VKORC1L1: variants seen among roughly 807,000 people sequenced by gnomAD.
The protein encoded by VKORC1L1 is vitamin K epoxide reductase complex subunit 1-like protein 1.
VKORC1L1 carries 2 observed loss-of-function variants against 18.9 expected under a neutral mutation model. The ratio of observed to expected loss-of-function variants is 0.11; its 90% CI spans 0.04 to 0.33. The LOEUF (loss-of-function observed/expected upper bound fraction) is 0.33. VKORC1L1 is among the 10% of genes least tolerant of loss of function. The pLI, the probability that VKORC1L1 is intolerant of heterozygous loss-of-function variation, is 1.00. For synonymous variants in VKORC1L1, 96 were observed against 100.0 expected (o/e 0.96, Z 0.24); for missense variants, 123 against 224.1 (o/e 0.55, Z 2.88).
chr7:65,892,414 C>T (rs1789124283), intron 1 of VKORC1L1, among the ~76,000 whole-genome samples: 1 of 152,132 alleles, frequency 6.6e-6, no homozygotes. Flanking sequence ...CAAGGGTTCC[C>T]CTTTTTCCAC....
chr7:65,924,100 C>G (rs1462213719), intron 1 of VKORC1L1, among the ~76,000 whole-genome samples: 1 of 152,160 alleles, frequency 6.6e-6, no homozygotes, highest in African/African-American at 2.4e-5. Context: ...GACTTAAAGC[C>G]TGTAGCAGAG....
intron 1 of VKORC1L1, among the ~76,000 whole-genome samples, chr7:65,944,535 G>A (rs1420902419): frequency 6.6e-6 from 1 of 151,788 alleles, no homozygotes; most frequent in Non-Finnish European, 1.5e-5. Flanking sequence ...CTTTACCATA[G>A]CAAAATAATA....
intron 1 of VKORC1L1, among the ~76,000 whole-genome samples, chr7:65,874,008 C>G (rs1463769179): frequency 2.0e-5 from 3 of 152,144 alleles, no homozygotes; most frequent in Non-Finnish European, 4.4e-5. Flanking sequence ...CTTGTCCCCC[C>G]GATCGCTGCA....
At chr7:65,889,471 C>A (rs572548872) in intron 1 of VKORC1L1, among the ~76,000 whole-genome samples, 1 of 152,244 alleles carries the variant, frequency 6.6e-6, no homozygotes, top group Non-Finnish European at 1.5e-5. Flanking sequence ...TCCCCTCCCC[C>A]ACCAAATTCA....
intron 1 of VKORC1L1, 57 bp from the exon 2 acceptor site, chr7:65,948,613 AC>A (rs1454190420): frequency 5.5e-5 from 34 of 613,558 alleles, no homozygotes; most frequent in Non-Finnish European, 8.3e-5. Context: ...AAATAATGAT[AC>A]ATTTTTTAAA....
chr7:65,886,394 T>C (rs1477599169), intron 1 of VKORC1L1, among the ~76,000 whole-genome samples: 1 of 152,196 alleles, frequency 6.6e-6, no homozygotes, highest in African/African-American at 2.4e-5. Flanking sequence ...TTTTGTTTTA[T>C]TTGAAAAATG....
chr7:65,906,979 G>A (rs144356002), intron 1 of VKORC1L1, among the ~76,000 whole-genome samples: 96 of 152,212 alleles, frequency 6.3e-4, no homozygotes, highest in African/African-American at 2.2e-3. Flanking sequence ...CCTATACAAG[G>A]GTGGAAAGTG....
At chr7:65,947,379 T>C (rs1206430166) in intron 1 of VKORC1L1, among the ~76,000 whole-genome samples, 4 of 151,948 alleles carry the variant, frequency 2.6e-5, no homozygotes, top group African/African-American at 9.6e-5. Flanking sequence ...AGATTTTGTT[T>C]AGACTGATTC....
intron 1 of VKORC1L1, among the ~76,000 whole-genome samples, chr7:65,943,797 A>AAAAT (rs950281322): frequency 1.3e-5 from 2 of 152,168 alleles, no homozygotes; most frequent in Non-Finnish European, 2.9e-5. Context: ...CTCTGTCTGA[A>AAAAT]AAATAAATAA....
At chr7:65,872,990 TCCCCACCCCTGCCCCAC>T (rs1195318544), upstream of VKORC1L1, among the ~76,000 whole-genome samples, 1 of 12,512 alleles carries the variant, frequency 8.0e-5, no homozygotes, top group Non-Finnish European at 2.0e-4. Flanking sequence ...GCCCCGCCCA[TCCCCACCCCTGCCCCAC>T]CCCTTTCTCC....
chr7:65,947,178 A>C (rs1562657022), intron 1 of VKORC1L1, among the ~76,000 whole-genome samples: 1 of 152,084 alleles, frequency 6.6e-6, no homozygotes, highest in Non-Finnish European at 1.5e-5. Context: ...GGATTGCATA[A>C]TTCTACAATA....
intron 1 of VKORC1L1, among the ~76,000 whole-genome samples, chr7:65,886,759 A>T (rs1302431917): frequency 1.3e-5 from 2 of 150,302 alleles, no homozygotes; most frequent in African/African-American, 2.4e-5. Flanking sequence ...GGATGGTCTC[A>T]ATCTCCTGAC....
At chr7:65,929,616 A>T (rs1789822923) in intron 1 of VKORC1L1, among the ~76,000 whole-genome samples, 1 of 147,698 alleles carries the variant, frequency 6.8e-6, no homozygotes, top group Non-Finnish European at 1.5e-5. Flanking sequence ...AACATTTGTC[A>T]CTATCCACAA....
chr7:65,938,996 G>A (rs1467821485), intron 1 of VKORC1L1, among the ~76,000 whole-genome samples: 1 of 152,222 alleles, frequency 6.6e-6, no homozygotes, highest in Non-Finnish European at 1.5e-5. Context: ...TCAGAGAGCT[G>A]TCTGAAGAGA....
At chr7:65,886,016 G>A (rs1241336393) in intron 1 of VKORC1L1, among the ~76,000 whole-genome samples, 1 of 152,172 alleles carries the variant, frequency 6.6e-6, no homozygotes, top group South Asian at 2.1e-4. Flanking sequence ...GTTTATTCTG[G>A]AGTTGCCTCT....
At chr7:65,870,267 A>G (rs1246557710), upstream of VKORC1L1, among the ~76,000 whole-genome samples, 295 of 35,446 alleles carry the variant, frequency 8.3e-3, 1 homozygote, top group African/African-American at 0.069. Context: ...TAAGTACAGA[A>G]AAAAAAAAAA....
intron 1 of VKORC1L1, among the ~76,000 whole-genome samples, chr7:65,907,631 A>G (rs1194506897): frequency 6.6e-6 from 1 of 152,194 alleles, no homozygotes; most frequent in Non-Finnish European, 1.5e-5. Flanking sequence ...GTCAATAAAC[A>G]CCACTGTGAA....
intron 1 of VKORC1L1, among the ~76,000 whole-genome samples, chr7:65,939,904 AAAG>A (rs1790006478): frequency 6.6e-6 from 1 of 152,242 alleles, no homozygotes; most frequent in Non-Finnish European, 1.5e-5. Context: ...ACAGTCCAAC[AAAG>A]AATTTTAATG....
At chr7:65,907,192 G>C (rs1789420067) in intron 1 of VKORC1L1, among the ~76,000 whole-genome samples, 1 of 152,122 alleles carries the variant, frequency 6.6e-6, no homozygotes, top group Admixed American at 6.6e-5. Flanking sequence ...GTAATCCCAA[G>C]CACTTTGGGA....
Sources: gnomAD v4.1 joint callset for allele counts (sites outside exome capture counted in the v4.1 genomes callset) on GRCh38, gnomAD v4.1.1 for gene constraint, MANE v1.5 for transcripts, NCBI Gene and HGNC (gene_info 2026-07-23, HGNC 2026-07-21) for gene names.